The following IQGAP2 variants were observed in gnomAD, a reference collection of about 807,000 sequenced individuals.
The protein encoded by IQGAP2 is IQ motif containing GTPase activating protein 2.
IQGAP2 carries 173 observed loss-of-function variants against 201.3 expected under a neutral mutation model. The ratio of observed to expected loss-of-function variants is 0.86; its 90% CI spans 0.76 to 0.98. The LOEUF (loss-of-function observed/expected upper bound fraction) is 0.98, where lower values mean the gene tolerates loss of function less well. Among genes scored for constraint, IQGAP2 ranks in the 50% least tolerant of loss-of-function variants. The pLI, the probability that IQGAP2 is intolerant of heterozygous loss-of-function variation, is 0.00. For missense variants in IQGAP2, 1,687 were observed against 1,864.8 expected, an observed-to-expected ratio of 0.90 and a Z score of 1.76; for synonymous variants, 675 against 673.9, an observed-to-expected ratio of 1.00 and a Z score of -0.03.
intron 1 of IQGAP2, among the ~76,000 whole-genome samples, chr5:76,430,803 G>A (rs941273876): frequency 2.1e-4 from 32 of 152,160 alleles, no homozygotes; most frequent in African/African-American, 7.0e-4. Context: ...GTAAATGGGG[G>A]AAAAAGCATG....
chr5:76,406,780 A>T (rs1580125012), intron 1 of IQGAP2, among the ~76,000 whole-genome samples: 1 of 152,212 alleles, frequency 6.6e-6, no homozygotes, highest in African/African-American at 2.4e-5. Context: ...TTAAGTGACT[A>T]CAGTGGGTCT....
intron 30 of IQGAP2, among the ~76,000 whole-genome samples, chr5:76,692,815 C>T (rs561670038): frequency 6.6e-6 from 1 of 152,342 alleles, no homozygotes; most frequent in African/African-American, 2.4e-5. Context: ...CAGACCAAGC[C>T]TCCACAGCCC....
chr5:76,698,067 C>T lies in IQGAP2; in HGVS notation c.4287C>T (p.Asn1429=), dbSNP rs143210414. 2 of 1,612,580 alleles carry T rather than the reference C, an allele frequency of 1.2e-6. No homozygotes were observed. Among genetic ancestry groups the T allele is most frequent in the African/African-American group, 2.7e-5 (2 of 74,872 alleles). ...AKLQQTLNAL[N]KKAAFYEEQI... is the part of the protein sequence containing the mutation. ...TTCAGCAGACCCTGAATGCACTTAA[C>T]AAGAAGGCAGCATTTTATGAAGAGC... The change falls in exon 33 of 36, where the codon AAC becomes AAT. Residue 1429 remains asparagine, a synonymous_variant. Coordinates refer to ENST00000274364, the MANE Select transcript of IQGAP2 (RefSeq NM_006633.5).
At chr5:76,672,628 A>G (rs1744439884) in intron 24 of IQGAP2, among the ~76,000 whole-genome samples, 1 of 152,172 alleles carries the variant, frequency 6.6e-6, no homozygotes, top group African/African-American at 2.4e-5. Context: ...TGTTCAGGGT[A>G]TATATTCCAG....
chr5:76,566,627 T>C lies in IQGAP2; in HGVS notation c.304-3953T>C, dbSNP rs112754758. ...GCAGTTTGCGCTTCAGAAACATCAG[T>C]TGCTGCTATACAGAGAACAAACCAG... is the stretch of plus-strand genomic sequence containing the variant. On this transcript the variant is annotated intron_variant, in intron 3 of 35. Coordinates refer to ENST00000274364, the MANE Select transcript of IQGAP2 (RefSeq NM_006633.5). Among the ~76,000 whole-genome samples the C allele has an allele frequency of 4.0e-3, 609 of 152,222 alleles. 3 individuals carry two copies. Among genetic ancestry groups the C allele is most frequent in the East Asian group, 0.018 (93 of 5,178 alleles).
intron 30 of IQGAP2, among the ~76,000 whole-genome samples, chr5:76,686,222 T>C (rs185360194): frequency 2.0e-5 from 3 of 152,320 alleles, no homozygotes; most frequent in Admixed American, 2.0e-4. Context: ...CATTATCAGA[T>C]ATATGATTTG....
chr5:76,489,346 G>A (rs2150153699), intron 2 of IQGAP2, among the ~76,000 whole-genome samples: 1 of 152,188 alleles, frequency 6.6e-6, no homozygotes, highest in East Asian at 1.9e-4. Context: ...TCACTTCTCA[G>A]GCCAAGAAGT....
chr5:76,538,168 G>C (rs941623011), intron 2 of IQGAP2, among the ~76,000 whole-genome samples: 8 of 152,172 alleles, frequency 5.3e-5, no homozygotes, highest in Non-Finnish European at 1.2e-4. Flanking sequence ...GAGAGAACTT[G>C]TTCAGGGGAA....
chr5:76,404,570 GGTGTTTTGTTTGTGTGT>G, intron 1 of IQGAP2: 7 of 838,822 alleles, frequency 8.3e-6, no homozygotes, highest in Non-Finnish European at 1.0e-5. Context: ...CCTTCAGCAG[GGTGTTTTGTTTGTGTGT>G]GTGTGTGGTT....
chr5:76,454,076 G>A (rs1753924127), intron 1 of IQGAP2, among the ~76,000 whole-genome samples: 1 of 152,102 alleles, frequency 6.6e-6, no homozygotes, highest in South Asian at 2.1e-4. Context: ...TAAGTAAGAG[G>A]TTTGGTTTCC....
intron 22 of IQGAP2, among the ~76,000 whole-genome samples, chr5:76,667,877 C>CTTTTTTTTTTTTTTTTTTTTT (rs540744402): frequency 8.9e-5 from 11 of 123,414 alleles, no homozygotes; most frequent in African/African-American, 3.1e-4. Flanking sequence ...AGTCCACTTT[C>CTTTTTTTTTTTTTTTTTTTTT]TTTTTTTTTT....
In IQGAP2 at chr5:76,582,134, G is replaced by A. The variant is rs540872982; in HGVS notation, c.458+6365G>A. On this transcript the variant is annotated intron_variant, in intron 5 of 35. Transcript: ENST00000274364. Reference sequence around the variant, plus strand: ...GCAGTTGAGGCACAGAGAGGCTGCCGAAGGTCACACAGTTAGTAAAAACCA... The same window carrying A: ...GCAGTTGAGGCACAGAGAGGCTGCCAAAGGTCACACAGTTAGTAAAAACCA... Among the ~76,000 whole-genome samples the A allele has an allele frequency of 9.2e-5, 14 of 152,266 alleles. No homozygotes were observed. The East Asian group carries it at 2.3e-3, about 25-fold the overall frequency.
chr5:76,422,216 G>A (rs1751766741), intron 1 of IQGAP2, among the ~76,000 whole-genome samples: 1 of 152,216 alleles, frequency 6.6e-6, no homozygotes, highest in Non-Finnish European at 1.5e-5. Context: ...GCAGGAGCAT[G>A]TGAGAGCTCT....
Position 76,589,047 on chromosome 5 carries a change from C to T in IQGAP2, c.526+74C>T, listed in dbSNP as rs1043061635. The stretch of plus-strand genomic sequence containing the variant: ...ACCAATACCTGGCCGGGCGTGGTGG[C>T]TCATGCCTGTAATCCCAGCACTTTG... On this transcript the variant is annotated intron_variant, in intron 6 of 35. Coordinates refer to ENST00000274364, the MANE Select transcript of IQGAP2 (RefSeq NM_006633.5). 4.0e-6 allele frequency: 4 copies of T among 990,400 alleles called. No individual in the cohort carries two copies. The South Asian group carries it at 4.1e-5, about 10-fold the overall frequency. The allele number at this position is 990,400 out of a possible 1,614,324, so 61.4% of individuals were successfully genotyped here.
At chr5:76,463,475 G>T (rs1347434725) in intron 2 of IQGAP2, among the ~76,000 whole-genome samples, 1 of 152,114 alleles carries the variant, frequency 6.6e-6, no homozygotes, top group Non-Finnish European at 1.5e-5. Context: ...TGGATTCAAG[G>T]ATTTTTAAAA....
Position 76,640,789 on chromosome 5 carries a change from C to T in IQGAP2, c.1924-144C>T, listed in dbSNP as rs1279926497. Reference sequence around the variant, plus strand: ...GAAAGAAGTTAAGCCAGTTTCATCCCTCAGCTCTGCTTAAATTTGTTTTTA... The same window carrying T: ...GAAAGAAGTTAAGCCAGTTTCATCCTTCAGCTCTGCTTAAATTTGTTTTTA... On this transcript the variant is annotated intron_variant, in intron 16 of 35. Coordinates refer to ENST00000274364, the MANE Select transcript of IQGAP2 (RefSeq NM_006633.5). 14 of 578,808 alleles carry T rather than the reference C, an allele frequency of 2.4e-5. No homozygotes were observed. In the South Asian group the frequency reaches 4.3e-4, roughly 18 times the overall value. The allele number at this position is 578,808 out of a possible 1,614,324, so 35.9% of individuals were successfully genotyped here. A position where few individuals can be genotyped will look rare whatever the true frequency, so the allele number is the denominator to read the frequency against.
intron 1 of IQGAP2, among the ~76,000 whole-genome samples, chr5:76,454,755 G>A (rs538067198): frequency 6.6e-6 from 1 of 151,118 alleles, no homozygotes; most frequent in Admixed American, 6.6e-5. Context: ...ATAAACATAC[G>A]TGTGCATGTG....
rs559479822 is a variant in IQGAP2 at position 76,634,884 on chromosome 5, C to T, written c.1781-2150C>T. Reference sequence around the variant, plus strand: ...GGAATGTTCATCACCTCTTAACTAACTGTAATCAGTCTTTTTTCTAAGTAA... The same window carrying T: ...GGAATGTTCATCACCTCTTAACTAATTGTAATCAGTCTTTTTTCTAAGTAA... On this transcript the variant is annotated intron_variant, in intron 15 of 35. Transcript: ENST00000274364. Among the ~76,000 whole-genome samples, 10 of 139,806 alleles carry T rather than the reference C, an allele frequency of 7.2e-5. No homozygotes were observed. The East Asian group carries it at 1.2e-3, about 17-fold the overall frequency. The allele number at this position is 139,806 out of a possible 152,430, so 91.7% of individuals were successfully genotyped here.
chr5:76,569,674 T>C (rs183485590), intron 3 of IQGAP2, among the ~76,000 whole-genome samples: 1 of 152,366 alleles, frequency 6.6e-6, no homozygotes. Context: ...CCAAACTTTC[T>C]GAATGTGATT....
Sources: allele counts gnomAD v4.1 joint callset (sites outside exome capture counted in the v4.1 genomes callset), GRCh38; gene constraint gnomAD v4.1.1; transcripts MANE v1.5; gene names NCBI Gene and HGNC (gene_info 2026-07-23, HGNC 2026-07-21).